Variants in CASR observed in about 807,000 individuals in gnomAD.
CASR encodes extracellular calcium-sensing receptor.
CASR carries 23 observed loss-of-function variants against 69.1 expected under a neutral mutation model. The ratio of observed to expected loss-of-function variants is 0.33; its 90% CI spans 0.24 to 0.47. The LOEUF (loss-of-function observed/expected upper bound fraction) is 0.47. Ranked by LOEUF, CASR falls within the 20% of genes least tolerant of loss-of-function variation. The pLI is 1.00. For synonymous variants in CASR, 541 were observed against 544.7 expected (o/e 0.99, Z 0.10); for missense variants, 924 against 1,356.1 (o/e 0.68, Z 5.00).
intron 3 of CASR, among the ~76,000 whole-genome samples, chr3:122,259,163 CT>C (rs2074590836): frequency 6.6e-6 from 1 of 152,058 alleles, no homozygotes; most frequent in South Asian, 2.1e-4. Context: ...TTTTTAAAAA[CT>C]TGGTAAACAT....
At chr3:122,192,288 C>A (rs1338258229) in intron 1 of CASR, among the ~76,000 whole-genome samples, 2 of 152,198 alleles carry the variant, frequency 1.3e-5, no homozygotes, top group South Asian at 2.1e-4. Flanking sequence ...TCTCCAGGCT[C>A]TACTTTTTTC....
At chr3:122,212,016 T>C (rs551111492) in intron 1 of CASR, among the ~76,000 whole-genome samples, 1 of 152,302 alleles carries the variant, frequency 6.6e-6, no homozygotes, top group East Asian at 1.9e-4. Flanking sequence ...CTCAAAGACC[T>C]AGAACGATAA....
chr3:122,277,048 CTTTT>C (rs11341423), intron 5 of CASR, among the ~76,000 whole-genome samples: 1 of 129,490 alleles, frequency 7.7e-6, no homozygotes, highest in Non-Finnish European at 1.6e-5. Flanking sequence ...GACCACTTTT[CTTTT>C]TTTTTTTTTT....
rs1576850080 is a variant in CASR at position 122,252,350 on chromosome 3, A to G, written c.-242-1598A>G. Among the ~76,000 whole-genome samples, 9 of 60,040 alleles carry G rather than the reference A, an allele frequency of 1.5e-4. No homozygotes were observed. In the South Asian group the frequency reaches 2.1e-3, roughly 14 times the overall value. 39.4% of individuals were successfully genotyped at this position (60,040 alleles called of 152,430 possible). ...AGAAAGAGAGAGAAAGAAAGAAGAA[A>G]GAAAGAAAGAAAGAAGGAAGGAAGG... On this transcript the variant is annotated intron_variant, in intron 1 of 6. Coordinates refer to ENST00000639785, the MANE Select transcript of CASR (RefSeq NM_000388.4).
chr3:122,199,891 GTTTT>G (rs993357973), intron 1 of CASR, among the ~76,000 whole-genome samples: 1 of 151,758 alleles, frequency 6.6e-6, no homozygotes, highest in African/African-American at 2.4e-5. Flanking sequence ...GTTGTTTTTT[GTTTT>G]TTTGTTTGTT....
intron 4 of CASR, among the ~76,000 whole-genome samples, chr3:122,271,754 C>T (rs1260123552): frequency 6.6e-6 from 1 of 152,180 alleles, no homozygotes; most frequent in African/African-American, 2.4e-5. Flanking sequence ...AACTGTCACT[C>T]CCTAGGCCCC....
chr3:122,228,881 T>A (rs2107606845), intron 1 of CASR, among the ~76,000 whole-genome samples: 1 of 152,328 alleles, frequency 6.6e-6, no homozygotes, highest in African/African-American at 2.4e-5. Context: ...CCATGACACC[T>A]GACCCTCTCC....
At position 122,271,856 on chromosome 3, in the gene CASR, C is replaced by T. The variant is rs141515288; in HGVS notation, c.1378-3956C>T. On this transcript the variant is annotated intron_variant, in intron 4 of 6. Coordinates refer to ENST00000639785, the MANE Select transcript of CASR (RefSeq NM_000388.4). ...ATTTCATATAAATAAAATCATAAAACATATGATCTTTTGTGACTGGCTGCT... is the reference window on the plus strand; with the variant it reads ...ATTTCATATAAATAAAATCATAAAATATATGATCTTTTGTGACTGGCTGCT... 3.1e-3 allele frequency among the ~76,000 whole-genome samples: 470 copies of T among 152,266 alleles called. 1 individual carries two copies. The highest frequency in any genetic ancestry group is 5.2e-3 in the Non-Finnish European group (356 of 68,022).
chr3:122,275,472 G>A (rs965130136), intron 4 of CASR, among the ~76,000 whole-genome samples: 1 of 152,222 alleles, frequency 6.6e-6, no homozygotes, highest in African/African-American at 2.4e-5. Flanking sequence ...TATAAATCCT[G>A]CCCCTCCTGG....
In CASR at chr3:122,262,362, C is replaced by T. The variant is rs267599574; in HGVS notation, c.1327C>T (p.Leu443Phe). The T allele has an allele frequency of 6.2e-7, 1 of 1,613,990 alleles. No homozygotes were observed. Among genetic ancestry groups the T allele is most frequent in the African/African-American group, 1.3e-5 (1 of 75,056 alleles). ...ATATACCTGCTTACCTGGGAGAGGGCTCTTCACCAATGGCTCCTGTGCAGA... is the reference window on the plus strand; with the variant it reads ...ATATACCTGCTTACCTGGGAGAGGGTTCTTCACCAATGGCTCCTGTGCAGA... The part of the protein sequence containing the change: ...DIYTCLPGRG[L>F]FTNGSCADIK... Residue 443 changes from leucine (L) to phenylalanine (F), a missense_variant, in exon 4 of 7, where the codon CTC becomes TTC. This residue lies in a region of CASR where 310 missense variants were observed against 395.7 expected (regional missense o/e 0.78). Transcript: ENST00000639785.
intron 1 of CASR, among the ~76,000 whole-genome samples, chr3:122,190,268 T>G (rs564800085): frequency 6.6e-6 from 1 of 152,292 alleles, no homozygotes; most frequent in African/African-American, 2.4e-5. Flanking sequence ...GATTAAGAGA[T>G]TCGGGGAAAG....
chr3:122,221,330 C>T (rs181091405), intron 1 of CASR, among the ~76,000 whole-genome samples: 1 of 152,240 alleles, frequency 6.6e-6, no homozygotes, highest in East Asian at 1.9e-4. Context: ...TTCCAGCTGC[C>T]ATCTTAGTGC....
chr3:122,252,580 G>T, intron 1 of CASR, among the ~76,000 whole-genome samples: 1 of 151,718 alleles, frequency 6.6e-6, no homozygotes, highest in Non-Finnish European at 1.5e-5. Context: ...AATGATGGTG[G>T]ACTAAAAATA....
intron 1 of CASR, among the ~76,000 whole-genome samples, chr3:122,234,301 G>A (rs568069468): frequency 1.3e-5 from 2 of 152,320 alleles, no homozygotes; most frequent in African/African-American, 2.4e-5. Context: ...CAAGTGATTA[G>A]GCATGACTGT....
intron 4 of CASR, among the ~76,000 whole-genome samples, chr3:122,263,549 A>G (rs1424002501): frequency 6.6e-6 from 1 of 152,202 alleles, no homozygotes; most frequent in East Asian, 1.9e-4. Context: ...TGTATACAGA[A>G]CCCAACCACC....
In CASR at chr3:122,241,908, A is replaced by T. The variant is rs146650125; in HGVS notation, c.-242-12040A>T. ...ATCAATCAGTGTGATACATCATAAC[A>T]ACAGAACGAAGGACAAAAATCATAT... On this transcript the variant is annotated intron_variant, in intron 1 of 6. Coordinates refer to ENST00000639785, the MANE Select transcript of CASR (RefSeq NM_000388.4). Among the ~76,000 whole-genome samples the T allele has an allele frequency of 1.9e-3, 289 of 152,308 alleles. 3 individuals are homozygous for T. The highest frequency in any genetic ancestry group is 6.6e-3 in the African/African-American group (274 of 41,584).
intron 1 of CASR, among the ~76,000 whole-genome samples, chr3:122,207,310 C>T (rs552299394): frequency 1.3e-5 from 2 of 152,158 alleles, no homozygotes; most frequent in Non-Finnish European, 2.9e-5. Flanking sequence ...CTACACAACA[C>T]ACCTAATAGG....
At chr3:122,277,048 C>CTTTTT (rs11341423) in intron 5 of CASR, among the ~76,000 whole-genome samples, 6 of 129,482 alleles carry the variant, frequency 4.6e-5, no homozygotes, top group Non-Finnish European at 4.9e-5. Flanking sequence ...GACCACTTTT[C>CTTTTT]TTTTTTTTTT....
intron 1 of CASR, among the ~76,000 whole-genome samples, chr3:122,213,079 C>G (rs2074084371): frequency 6.6e-6 from 1 of 152,168 alleles, no homozygotes; most frequent in Non-Finnish European, 1.5e-5. Context: ...ATTGCAGATT[C>G]TTCTAGTGGG....
Sources: gnomAD v4.1 joint callset for allele counts (sites outside exome capture counted in the v4.1 genomes callset) on GRCh38, gnomAD v4.1.1 for gene constraint, gnomAD v4.1.1 regional missense constraint, MANE v1.5 for transcripts, NCBI Gene and HGNC (gene_info 2026-07-23, HGNC 2026-07-21) for gene names.